The following JAZF1 variants were observed in gnomAD, a reference collection of about 807,000 sequenced individuals.
JAZF1 encodes JAZF zinc finger 1, also known as juxtaposed with another zinc finger protein 1.
In JAZF1, 8 loss-of-function variants were observed where a neutral mutation model predicts 26.4. The ratio of observed to expected loss-of-function variants is 0.30; its 90% CI spans 0.18 to 0.55. The LOEUF (loss-of-function observed/expected upper bound fraction) is 0.55. Among genes scored for constraint, JAZF1 ranks in the 20% least tolerant of loss-of-function variants. The pLI is 0.94. For synonymous variants in JAZF1, 126 were observed against 122.3 expected (o/e 1.03, Z -0.20); for missense variants, 199 against 322.0 (o/e 0.62, Z 2.92).
chr7:28,141,336 A>AAG (rs2127945645), intron 1 of JAZF1, among the ~76,000 whole-genome samples: 1 of 152,324 alleles, frequency 6.6e-6, no homozygotes, highest in African/African-American at 2.4e-5. Context: ...ATAGAGGTGG[A>AAG]TTCTGAGAAC....
At chr7:27,949,032 G>A (rs946100800) in intron 2 of JAZF1, among the ~76,000 whole-genome samples, 2 of 152,198 alleles carry the variant, frequency 1.3e-5, no homozygotes, top group African/African-American at 4.8e-5. Context: ...AGCAGGCCCT[G>A]CTGTCAGCCA....
intron 3 of JAZF1, among the ~76,000 whole-genome samples, chr7:27,892,435 A>C (rs138965001): frequency 1.3e-3 from 197 of 152,340 alleles, no homozygotes; most frequent in African/African-American, 4.4e-3. Context: ...GAAAAATAAT[A>C]AACTCTCACT....
chr7:27,865,023 A>T (rs1483792136), intron 3 of JAZF1, among the ~76,000 whole-genome samples: 2 of 152,186 alleles, frequency 1.3e-5, no homozygotes, highest in Non-Finnish European at 2.9e-5. Flanking sequence ...TTAATGGGGC[A>T]TGACGAGCAT....
chr7:28,023,586 G>A (rs1191578104), intron 1 of JAZF1, among the ~76,000 whole-genome samples: 3 of 152,178 alleles, frequency 2.0e-5, no homozygotes, highest in Non-Finnish European at 4.4e-5. Context: ...TAACAACCAA[G>A]CTTAATTCCT....
At chr7:28,076,847 T>C (rs1189181401) in intron 1 of JAZF1, among the ~76,000 whole-genome samples, 1 of 152,252 alleles carries the variant, frequency 6.6e-6, no homozygotes, top group East Asian at 1.9e-4. Context: ...TTTTTCCAGG[T>C]AGATCATAGC....
chr7:27,986,704 G>A (rs540538973), intron 2 of JAZF1, among the ~76,000 whole-genome samples: 83 of 134,926 alleles, frequency 6.2e-4, no homozygotes, highest in Admixed American at 3.7e-3. Flanking sequence ...CTCTGATGCC[G>A]AGCTGAGGCT....
chr7:28,058,476 A>C (rs1783750592), intron 1 of JAZF1, among the ~76,000 whole-genome samples: 1 of 152,100 alleles, frequency 6.6e-6, no homozygotes, highest in African/African-American at 2.4e-5. Context: ...TCTACCCCCC[A>C]GTCTCCTACA....
chr7:28,142,798 C>T (rs1782977303), intron 1 of JAZF1, among the ~76,000 whole-genome samples: 1 of 152,162 alleles, frequency 6.6e-6, no homozygotes, highest in Admixed American at 6.5e-5. Context: ...CAGGGTATGG[C>T]CAGCAGAGAG....
intron 1 of JAZF1, among the ~76,000 whole-genome samples, chr7:28,158,264 G>A (rs1783224685): frequency 1.3e-5 from 2 of 151,674 alleles, no homozygotes; most frequent in South Asian, 4.2e-4. Flanking sequence ...CAAAACCCAT[G>A]GTCCATAGGG....
intron 2 of JAZF1, chr7:27,914,636 C>T: frequency 2.3e-6 from 1 of 437,700 alleles, no homozygotes; most frequent in South Asian, 1.7e-5. Context: ...CAGCCAAGGA[C>T]AAGAGTGCTG....
rs1201213595 is a variant in JAZF1 at position 27,832,793 on chromosome 7, C to T, written c.*7G>A. ...GAGGATTTCTTGGCACAGTTATGAC[C>T]AGCATGTTATTGCTGCATCTTCCTG... On this transcript the variant is annotated 3_prime_UTR_variant, in exon 5 of 5. Coordinates refer to ENST00000283928, the MANE Select transcript of JAZF1 (RefSeq NM_175061.4). 6.4e-7 allele frequency: 1 copy of T among 1,556,364 alleles called. No homozygotes were observed. Among genetic ancestry groups the T allele is most frequent in the Admixed American group, 1.9e-5 (1 of 53,372 alleles).
At chr7:27,879,765 G>GA (rs1009006327) in intron 3 of JAZF1, among the ~76,000 whole-genome samples, 3 of 152,000 alleles carry the variant, frequency 2.0e-5, no homozygotes, top group Non-Finnish European at 4.4e-5. Context: ...AGGAACCAAT[G>GA]AAAAAATATT....
chr7:28,027,881 T>C (rs1240755573), intron 1 of JAZF1, among the ~76,000 whole-genome samples: 2 of 152,206 alleles, frequency 1.3e-5, no homozygotes, highest in Non-Finnish European at 2.9e-5. Context: ...GCACTGGGTA[T>C]GCAGTGGGGA....
At chr7:28,033,547 T>A (rs1464147615) in intron 1 of JAZF1, among the ~76,000 whole-genome samples, 1 of 152,138 alleles carries the variant, frequency 6.6e-6, no homozygotes, top group Non-Finnish European at 1.5e-5. Flanking sequence ...TGGAGCAGGT[T>A]TGGGGAATTA....
intron 1 of JAZF1, among the ~76,000 whole-genome samples, chr7:28,136,350 C>A (rs1196612928): frequency 6.6e-6 from 1 of 152,182 alleles, no homozygotes; most frequent in African/African-American, 2.4e-5. Context: ...CCCTTATCTC[C>A]CATATTGAAC....
At chr7:28,162,816 C>CT (rs1206263540) in intron 1 of JAZF1, among the ~76,000 whole-genome samples, 2 of 152,148 alleles carry the variant, frequency 1.3e-5, no homozygotes, top group African/African-American at 2.4e-5. Flanking sequence ...CTTCAGGAGT[C>CT]TTTATTTCAG....
intron 1 of JAZF1, among the ~76,000 whole-genome samples, chr7:28,093,361 A>G (rs1267979379): frequency 1.3e-5 from 2 of 152,184 alleles, no homozygotes; most frequent in Non-Finnish European, 2.9e-5. Flanking sequence ...CATGTAAGAC[A>G]TGCCTTCTGC....
At chr7:28,027,282 G>A (rs1158468201) in intron 1 of JAZF1, among the ~76,000 whole-genome samples, 1 of 152,206 alleles carries the variant, frequency 6.6e-6, no homozygotes, top group Non-Finnish European at 1.5e-5. Context: ...GTAGGAAAAA[G>A]TGGTTCCTAC....
intron 2 of JAZF1, among the ~76,000 whole-genome samples, chr7:27,953,667 G>A (rs1228906284): frequency 1.3e-5 from 2 of 152,086 alleles, no homozygotes; most frequent in Non-Finnish European, 2.9e-5. Flanking sequence ...GGGGGTGGAG[G>A]GTTATGAAGG....
Sources: allele counts gnomAD v4.1 joint callset (sites outside exome capture counted in the v4.1 genomes callset), GRCh38; gene constraint gnomAD v4.1.1; transcripts MANE v1.5; gene names NCBI Gene and HGNC (gene_info 2026-07-23, HGNC 2026-07-21).